Variants in AFF3 observed in about 807,000 individuals in gnomAD.
The protein encoded by AFF3 is ALF transcription elongation factor 3, also known as AF4/FMR2 family member 3.
A neutral mutation model predicts 129.7 loss-of-function variants in AFF3; 32 were observed. That is an observed-to-expected ratio of 0.25 (90% confidence interval 0.19 to 0.33). AFF3 has a LOEUF of 0.33. Ranked by LOEUF, AFF3 falls within the 10% of genes least tolerant of loss-of-function variation. AFF3 has a pLI of 1.00. For missense variants in AFF3, 1,373 were observed against 1,592.0 expected (o/e 0.86, Z 2.34); for synonymous variants, 644 against 635.4 (o/e 1.01, Z -0.20).
At chr2:99,576,039 A>ATT (rs528574305) in intron 18 of AFF3, among the ~76,000 whole-genome samples, 13 of 145,476 alleles carry the variant, frequency 8.9e-5, no homozygotes, top group South Asian at 2.2e-4. Flanking sequence ...GTGAGACATG[A>ATT]TTTTTTTTTT....
At chr2:99,601,654 G>C in intron 13 of AFF3, 33 bp from the exon 14 acceptor site, 1 of 1,577,192 alleles carries the variant, frequency 6.3e-7, no homozygotes. Flanking sequence ...GGAAGCAGAG[G>C]GAAGGAAAGC....
At chr2:99,985,340 T>C (rs892680473) in intron 7 of AFF3, among the ~76,000 whole-genome samples, 1 of 152,220 alleles carries the variant, frequency 6.6e-6, no homozygotes, top group Non-Finnish European at 1.5e-5. Context: ...GCCATGAACA[T>C]GACCTCCTTT....
intron 4 of AFF3, among the ~76,000 whole-genome samples, chr2:100,076,939 G>A (rs1236982283): frequency 6.6e-6 from 1 of 152,112 alleles, no homozygotes; most frequent in Non-Finnish European, 1.5e-5. Context: ...TTAAGAGACT[G>A]TGCAGATGTA....
intron 11 of AFF3, among the ~76,000 whole-genome samples, chr2:99,703,205 A>G (rs1677038749): frequency 6.6e-6 from 1 of 152,038 alleles, no homozygotes; most frequent in East Asian, 1.9e-4. Context: ...TGTTTTTTCC[A>G]GTTTCTAGAG....
intron 7 of AFF3, among the ~76,000 whole-genome samples, chr2:99,939,508 A>C (rs1674832067): frequency 6.6e-6 from 1 of 152,310 alleles, no homozygotes; most frequent in Non-Finnish European, 1.5e-5. Context: ...CTCCTCTCCT[A>C]CAGAAGAGCT....
intron 4 of AFF3, among the ~76,000 whole-genome samples, chr2:100,046,422 G>A (rs1019477084): frequency 6.6e-6 from 1 of 152,164 alleles, no homozygotes; most frequent in Non-Finnish European, 1.5e-5. Flanking sequence ...GTGTGAGGCT[G>A]TAGGAAAAAG....
At chr2:99,673,145 G>A (rs1176157499) in intron 11 of AFF3, among the ~76,000 whole-genome samples, 3 of 151,866 alleles carry the variant, frequency 2.0e-5, no homozygotes, top group East Asian at 3.9e-4. Flanking sequence ...TCCCAGTGCT[G>A]GGCTGTGTCT....
chr2:99,812,703 T>TAAATATACAAGTATA (rs1162012722), intron 8 of AFF3, among the ~76,000 whole-genome samples: 3 of 152,254 alleles, frequency 2.0e-5, no homozygotes, highest in African/African-American at 4.8e-5. Flanking sequence ...ATCGGTTTAC[T>TAAATATACAAGTATA]TTCTGACTTG....
At chr2:99,694,165 T>C (rs1006256108) in intron 11 of AFF3, among the ~76,000 whole-genome samples, 5 of 151,622 alleles carry the variant, frequency 3.3e-5, no homozygotes, top group Non-Finnish European at 5.9e-5. Flanking sequence ...CCCAAAGTAC[T>C]GGAATTACAA....
intron 4 of AFF3, among the ~76,000 whole-genome samples, chr2:100,075,719 G>A (rs144394889): frequency 8.9e-4 from 136 of 152,224 alleles, no homozygotes; most frequent in African/African-American, 3.2e-3. Flanking sequence ...TTTCTGATAG[G>A]TTCTGGCCAA....
At chr2:99,861,541 A>C (rs1479604223) in intron 7 of AFF3, among the ~76,000 whole-genome samples, 2 of 152,214 alleles carry the variant, frequency 1.3e-5, no homozygotes, top group Non-Finnish European at 2.9e-5. Flanking sequence ...AAGACTTGAA[A>C]GTTGTTATCA....
At chr2:99,749,788 T>G (rs1681478714) in intron 9 of AFF3, among the ~76,000 whole-genome samples, 1 of 152,200 alleles carries the variant, frequency 6.6e-6, no homozygotes, top group Non-Finnish European at 1.5e-5. Flanking sequence ...TGAAAAAGCT[T>G]CTTGACCTCT....
chr2:99,725,311 A>G (rs1679277938), intron 11 of AFF3, among the ~76,000 whole-genome samples: 1 of 151,844 alleles, frequency 6.6e-6, no homozygotes. Context: ...GAAATAAGGT[A>G]CAGAGTAAAG....
At chr2:99,933,495 C>CA (rs1054607109) in intron 7 of AFF3, among the ~76,000 whole-genome samples, 1 of 152,046 alleles carries the variant, frequency 6.6e-6, no homozygotes, top group African/African-American at 2.4e-5. Context: ...CCTTGCCCCC[C>CA]ACCCCCCGAC....
chr2:99,551,437 G>A lies in AFF3; in HGVS notation c.*37C>T. 6.2e-7 allele frequency: 1 copy of A among 1,612,822 alleles called. No homozygotes were observed. ...TGTCCAAAAACGTTGAGCCATCTGTGGAGACCAGAGCCCACTCTGGCCCCA... is the reference window on the plus strand; with the variant it reads ...TGTCCAAAAACGTTGAGCCATCTGTAGAGACCAGAGCCCACTCTGGCCCCA... On this transcript the variant is annotated 3_prime_UTR_variant, in exon 25 of 25. Transcript: ENST00000672756.
chr2:99,880,299 G>A (rs937020153), intron 7 of AFF3, among the ~76,000 whole-genome samples: 4 of 152,128 alleles, frequency 2.6e-5, no homozygotes, highest in African/African-American at 9.7e-5. Context: ...TGTGTCACGC[G>A]CCCCTGGAGA....
At chr2:99,788,753 C>T (rs553290069) in intron 8 of AFF3, among the ~76,000 whole-genome samples, 201 of 152,340 alleles carry the variant, frequency 1.3e-3, no homozygotes, top group Non-Finnish European at 1.7e-3. Flanking sequence ...ACTCAGCACT[C>T]ACTCACTGAC....
chr2:99,706,477 AC>A, intron 11 of AFF3, among the ~76,000 whole-genome samples: 1 of 152,292 alleles, frequency 6.6e-6, no homozygotes, highest in Non-Finnish European at 1.5e-5. Context: ...TTGTGGGCTT[AC>A]CATCTCTGGC....
chr2:99,814,611 C>G (rs1177681135), intron 8 of AFF3, among the ~76,000 whole-genome samples: 1 of 152,082 alleles, frequency 6.6e-6, no homozygotes, highest in Admixed American at 6.5e-5. Context: ...CAGGAATAGC[C>G]AAGTAAGATT....
Sources: gnomAD v4.1 joint callset for allele counts (sites outside exome capture counted in the v4.1 genomes callset) on GRCh38, gnomAD v4.1.1 for gene constraint, MANE v1.5 for transcripts, NCBI Gene and HGNC (gene_info 2026-07-23, HGNC 2026-07-21) for gene names.